Variants in ARHGEF16 observed in about 807,000 individuals in gnomAD.
ARHGEF16 encodes Rho guanine exchange factor (GEF) 16.
ARHGEF16 carries 59 observed loss-of-function variants against 74.1 expected under a neutral mutation model. The ratio of observed to expected loss-of-function variants is 0.80; its 90% CI spans 0.65 to 0.99. The LOEUF is 0.99. Ranked by LOEUF, ARHGEF16 falls within the 50% of genes least tolerant of loss-of-function variation. The probability of loss-of-function intolerance (pLI) is 0.00; values close to 1 mark genes in which losing one functional copy is unlikely to be tolerated. For missense variants in ARHGEF16, 948 were observed against 986.6 expected, an observed-to-expected ratio of 0.96 and a Z score of 0.52; for synonymous variants, 415 against 412.6, an observed-to-expected ratio of 1.01 and a Z score of -0.07.
chr1:3,466,827 T>G, intron 3 of ARHGEF16: 1 of 231,560 alleles, frequency 4.3e-6, no homozygotes, highest in Non-Finnish European at 8.4e-6. Context: ...TGGACAGGCA[T>G]GGGCCCAGGA....
intron 1 of ARHGEF16, among the ~76,000 whole-genome samples, chr1:3,456,879 C>T (rs1374261822): frequency 1.3e-5 from 2 of 152,226 alleles, no homozygotes; most frequent in East Asian, 1.9e-4. Context: ...TTGGGCTGAA[C>T]CAGCTATGTC....
At chr1:3,459,540 G>A (rs1166417895) in intron 1 of ARHGEF16, among the ~76,000 whole-genome samples, 2 of 152,184 alleles carry the variant, frequency 1.3e-5, no homozygotes, top group Non-Finnish European at 2.9e-5. Context: ...AGGTGAGAGG[G>A]GCCCCGGAAG....
chr1:3,456,156 C>T (rs780881859), intron 1 of ARHGEF16, among the ~76,000 whole-genome samples: 85 of 152,222 alleles, frequency 5.6e-4, no homozygotes, highest in Admixed American at 1.0e-3. Flanking sequence ...CCTGAGGTCG[C>T]TGGCTCTTCG....
chr1:3,465,129 G>A (rs1336688956), intron 2 of ARHGEF16, among the ~76,000 whole-genome samples: 2 of 152,242 alleles, frequency 1.3e-5, no homozygotes, highest in East Asian at 3.9e-4. Flanking sequence ...GGCCCATGGG[G>A]CTCCGTTCAT....
intron 1 of ARHGEF16, among the ~76,000 whole-genome samples, chr1:3,457,099 A>G (rs1639281973): frequency 6.6e-6 from 1 of 152,376 alleles, no homozygotes; most frequent in East Asian, 1.9e-4. Flanking sequence ...AAACTGCCCC[A>G]GTGAAGGCCG....
Position 3,463,355 on chromosome 1 carries a change from A to G in ARHGEF16, c.271A>G (p.Lys91Glu), listed in dbSNP as rs1639452019. The G allele has an allele frequency of 3.2e-6, 5 of 1,550,112 alleles. No individual in the cohort carries two copies. In the East Asian group the frequency reaches 1.2e-4, roughly 38 times the overall value. ...LKLGTQQLIP[K>E]SLAVASKAKT... ...GCTGGGCACCCAACAGCTGATCCCT[A>G]AGAGCCTGGCTGTGGCCAGCAAGGC... The change falls in exon 2 of 15, where the codon AAG becomes GAG. Residue 91 changes from lysine (K) to glutamate (E), a missense_variant. Transcript: ENST00000378378.
At position 3,477,930 on chromosome 1, in the gene ARHGEF16, T is replaced by C. The variant is rs750178905; in HGVS notation, c.1529T>C (p.Leu510Ser). ...RWLLKRGELF[L>S]VEETGLFRKI... is the part of the protein sequence containing the mutation. The stretch of plus-strand genomic sequence containing the variant: ...CTGCTGAAGCGCGGAGAGCTGTTCT[T>C]AGTGGAAGAAACCGGACTTTTTCGA... The change falls in exon 11 of 15, where the codon TTA becomes TCA. Residue 510 changes from leucine to serine, a missense_variant. Transcript: ENST00000378378. The C allele has an allele frequency of 1.2e-6, 2 of 1,612,668 alleles. No homozygotes were observed. The highest frequency in any genetic ancestry group is 1.7e-6 in the Non-Finnish European group (2 of 1,179,904).
At chr1:3,458,489 G>T (rs534668605) in intron 1 of ARHGEF16, among the ~76,000 whole-genome samples, 88 of 152,368 alleles carry the variant, frequency 5.8e-4, no homozygotes, top group African/African-American at 2.1e-3. Flanking sequence ...GAAATGGAAA[G>T]AGGCCACTGT....
chr1:3,471,403 G>T (rs1433359882), intron 6 of ARHGEF16, among the ~76,000 whole-genome samples: 2 of 152,206 alleles, frequency 1.3e-5, no homozygotes, highest in East Asian at 1.9e-4. Flanking sequence ...GCTGCCTGTG[G>T]GGTGCCCTTG....
At position 3,480,756 on chromosome 1, in the gene ARHGEF16, G is replaced by A; in HGVS notation, c.*169G>A. On this transcript the variant is annotated 3_prime_UTR_variant, in exon 15 of 15. Coordinates refer to ENST00000378378, the MANE Select transcript of ARHGEF16 (RefSeq NM_014448.4). ...GGCTCCAGACACTTCACGGAAGGAA[G>A]ATCACATGTCCCCAGAGAGGCACCC... is the stretch of plus-strand genomic sequence containing the variant. 1.0e-6 allele frequency: 1 copy of A among 958,220 alleles called. No homozygotes were observed. Among genetic ancestry groups the A allele is most frequent in the Non-Finnish European group, 1.5e-6 (1 of 665,014 alleles). The allele number at this position is 958,220 out of a possible 1,614,324, so 59.4% of individuals were successfully genotyped here. A position where few individuals can be genotyped will look rare whatever the true frequency, so the allele number is the denominator to read the frequency against.
chr1:3,480,355 C>A, intron 14 of ARHGEF16, 93 bp from the exon 15 acceptor site: 2 of 1,537,566 alleles, frequency 1.3e-6, no homozygotes, highest in African/African-American at 1.4e-5. Flanking sequence ...CTAGGAGAAG[C>A]CTGGCCCTGG....
chr1:3,480,883 C>T lies in ARHGEF16; in HGVS notation c.*296C>T, dbSNP rs34963382. 0.012 allele frequency: 6,089 copies of T among 496,386 alleles called. 70 individuals carry two copies. The highest frequency in any genetic ancestry group is 0.015 in the Non-Finnish European group (4,173 of 277,084). The allele number at this position is 496,386 out of a possible 1,614,324, so 30.7% of individuals were successfully genotyped here. On this transcript the variant is annotated 3_prime_UTR_variant, in exon 15 of 15. Transcript: ENST00000378378. ...TGCTGGGCCCCACCTCCCCACTGCACCCAGGGGGCAACTCCACCTGGACTG... is the reference window on the plus strand; with the variant it reads ...TGCTGGGCCCCACCTCCCCACTGCATCCAGGGGGCAACTCCACCTGGACTG...
At chr1:3,460,846 G>C (rs1639376606) in intron 1 of ARHGEF16, among the ~76,000 whole-genome samples, 1 of 152,094 alleles carries the variant, frequency 6.6e-6, no homozygotes, top group South Asian at 2.1e-4. Flanking sequence ...TCCCTCCCTG[G>C]GGCCTGGGAG....
rs751596769 is a variant in ARHGEF16 at position 3,478,031 on chromosome 1, C to A, written c.1625+5C>A. 6.2e-7 allele frequency: 1 copy of A among 1,612,698 alleles called. No individual in the cohort carries two copies. Among genetic ancestry groups the A allele is most frequent in the Non-Finnish European group, 8.5e-7 (1 of 1,179,884 alleles). On this transcript the variant is annotated splice_donor_5th_base_variant and intron_variant, in intron 11 of 14. Coordinates refer to ENST00000378378, the MANE Select transcript of ARHGEF16 (RefSeq NM_014448.4). ...GGTTGTGACCAAGAAGAAGAGGTGG[C>A]CTTAGGGCAGGAGGGTGTGGGGAGC...
Position 3,480,832 on chromosome 1 carries a change from C to T in ARHGEF16, c.*245C>T. ...CGTGTCCCAGGGAGCCCAGCCTATT[C>T]CCGTTGGCTGGCTGGGCCCCTCAGC... On this transcript the variant is annotated 3_prime_UTR_variant, in exon 15 of 15. Coordinates refer to ENST00000378378, the MANE Select transcript of ARHGEF16 (RefSeq NM_014448.4). 1 of 538,630 alleles carries T rather than the reference C, an allele frequency of 1.9e-6. No individual in the cohort carries two copies. Among genetic ancestry groups the T allele is most frequent in the Non-Finnish European group, 3.1e-6 (1 of 321,998 alleles). 33.4% of individuals were successfully genotyped at this position (538,630 alleles called of 1,614,324 possible).
rs957758901 is a variant in ARHGEF16, at chr1:3,479,913, G to A, written c.1990G>A (p.Gly664Arg). 2 of 1,612,128 alleles carry A rather than the reference G, an allele frequency of 1.2e-6. No homozygotes were observed. The highest frequency in any genetic ancestry group is 8.5e-7 in the Non-Finnish European group (1 of 1,179,876). ...DVVLVLQQED[G>R]WLYGERLRDG... ...GGTCCTGGTTCTGCAGCAGGAGGAT[G>A]GTGAGTGCAGGGGCGTTGGGCACAG... The change falls in exon 14 of 15, where the codon GGG becomes AGG. Residue 664 changes from glycine (G) to arginine (R), a missense_variant and splice_region_variant. Coordinates refer to ENST00000378378, the MANE Select transcript of ARHGEF16 (RefSeq NM_014448.4).
chr1:3,480,876 C>G lies in ARHGEF16; in HGVS notation c.*289C>G. The G allele has an allele frequency of 2.0e-6, 1 of 502,658 alleles. No homozygotes were observed. The highest frequency in any genetic ancestry group is 3.6e-6 in the Non-Finnish European group (1 of 281,070). 31.1% of individuals were successfully genotyped at this position (502,658 alleles called of 1,614,324 possible). On this transcript the variant is annotated 3_prime_UTR_variant, in exon 15 of 15. Transcript: ENST00000378378. The stretch of plus-strand genomic sequence containing the variant: ...CCTCAGCTGCTGGGCCCCACCTCCC[C>G]ACTGCACCCAGGGGGCAACTCCACC...
chr1:3,460,808 T>G (rs1202366727), intron 1 of ARHGEF16, among the ~76,000 whole-genome samples: 1 of 152,120 alleles, frequency 6.6e-6, no homozygotes, highest in Non-Finnish European at 1.5e-5. Flanking sequence ...TCCTGAGGAA[T>G]GTACCCTCCC....
intron 2 of ARHGEF16, among the ~76,000 whole-genome samples, chr1:3,465,203 T>C (rs756260401): frequency 5.9e-5 from 9 of 152,230 alleles, no homozygotes; most frequent in African/African-American, 9.6e-5. Flanking sequence ...TGCTTGGTGC[T>C]GGGGTTCCAA....
Sources: allele counts gnomAD v4.1 joint callset (sites outside exome capture counted in the v4.1 genomes callset), GRCh38; gene constraint gnomAD v4.1.1; transcripts MANE v1.5; gene names NCBI Gene and HGNC (gene_info 2026-07-23, HGNC 2026-07-21).